Variants in CTNNA3 observed in about 807,000 individuals in gnomAD.
CTNNA3 encodes the protein catenin alpha-3.
Under a neutral mutation model 95.7 loss-of-function variants are expected in CTNNA3, and 76 were observed. That is an observed-to-expected ratio of 0.79 (90% CI 0.66 to 0.96). The LOEUF (loss-of-function observed/expected upper bound fraction) is 0.96. Ranked by LOEUF, CTNNA3 falls within the 40% of genes least tolerant of loss-of-function variation. The probability of loss-of-function intolerance (pLI) is 0.00; values close to 1 mark genes in which losing one functional copy is unlikely to be tolerated. For synonymous variants in CTNNA3, 431 were observed against 374.4 expected, an observed-to-expected ratio of 1.15 and a Z score of -1.74; for missense variants, 1,191 against 1,089.8, an observed-to-expected ratio of 1.09 and a Z score of -1.31.
intron 13 of CTNNA3, among the ~76,000 whole-genome samples, chr10:66,225,843 A>G (rs1208084229): frequency 1.3e-5 from 2 of 151,992 alleles, no homozygotes; most frequent in Non-Finnish European, 2.9e-5. Context: ...ACATTTTTAA[A>G]TATACTTATT....
intron 13 of CTNNA3, among the ~76,000 whole-genome samples, chr10:66,108,892 C>T (rs1280624390): frequency 6.6e-6 from 1 of 152,038 alleles, no homozygotes; most frequent in Non-Finnish European, 1.5e-5. Flanking sequence ...TCAATAATTC[C>T]TTGCCTAAAG....
At chr10:66,233,234 A>G in intron 13 of CTNNA3, among the ~76,000 whole-genome samples, 1 of 151,702 alleles carries the variant, frequency 6.6e-6, no homozygotes, top group Non-Finnish European at 1.5e-5. Flanking sequence ...GAAAAACAAT[A>G]AAGTTTCTAC....
chr10:66,416,431 A>T (rs1286867308), intron 11 of CTNNA3, among the ~76,000 whole-genome samples: 1 of 152,100 alleles, frequency 6.6e-6, no homozygotes, highest in African/African-American at 2.4e-5. Flanking sequence ...CAAGAGATTT[A>T]AACATCCAGA....
chr10:66,746,335 G>C (rs1838871543), intron 9 of CTNNA3, among the ~76,000 whole-genome samples: 3 of 152,036 alleles, frequency 2.0e-5, no homozygotes, highest in African/African-American at 7.2e-5. Context: ...ACCTAGTTTA[G>C]ACCTAGGTAC....
At chr10:67,569,977 A>G (rs1841930252) in intron 3 of CTNNA3, among the ~76,000 whole-genome samples, 1 of 151,964 alleles carries the variant, frequency 6.6e-6, no homozygotes, top group Admixed American at 6.6e-5. Context: ...TTCTTCACAC[A>G]TATTAGCTTG....
At chr10:67,359,963 T>A (rs1842940201) in intron 5 of CTNNA3, among the ~76,000 whole-genome samples, 1 of 152,096 alleles carries the variant, frequency 6.6e-6, no homozygotes, top group Non-Finnish European at 1.5e-5. Context: ...AAGGGTCAGA[T>A]TACTTCAAAA....
intron 17 of CTNNA3, among the ~76,000 whole-genome samples, chr10:65,964,191 A>G (rs1259523860): frequency 6.6e-6 from 1 of 152,224 alleles, no homozygotes. Flanking sequence ...AATAGGAACA[A>G]GACAAGAACT....
chr10:66,686,052 T>C (rs1284564477), intron 9 of CTNNA3, among the ~76,000 whole-genome samples: 1 of 152,214 alleles, frequency 6.6e-6, no homozygotes, highest in Non-Finnish European at 1.5e-5. Context: ...GTTTATGTTA[T>C]GACAAGAACC....
At chr10:66,754,987 T>A (rs1420061570) in intron 9 of CTNNA3, among the ~76,000 whole-genome samples, 1 of 151,854 alleles carries the variant, frequency 6.6e-6, no homozygotes, top group African/African-American at 2.4e-5. Context: ...AATGAAACAG[T>A]ATATCTACAC....
Position 66,622,603 on chromosome 10 carries a change from T to C in CTNNA3, c.1282-819A>G, listed in dbSNP as rs79863385. Among the ~76,000 whole-genome samples the C allele has an allele frequency of 2.0e-3, 309 of 152,246 alleles. 3 individuals carry two copies. The highest frequency in any genetic ancestry group is 7.1e-3 in the African/African-American group (293 of 41,560). On this transcript the variant is annotated intron_variant, in intron 9 of 17. Transcript: ENST00000433211. ...CAGTAAGGCTTATGGACAGAGGCAA[T>C]GTTTTCTCTGATCTACAAAATATCT... is the stretch of plus-strand genomic sequence containing the variant.
rs149370888 is a variant in CTNNA3 at position 67,762,022 on chromosome 10, A to G, written c.-2+1412T>C. On this transcript the variant is annotated intron_variant, in intron 1 of 17. Transcript: ENST00000684154. ...CACGAATTAGGAACATATGAATTTTACTTCTGTATTCCTAACTTGCCGCTC... is the reference window on the plus strand; with the variant it reads ...CACGAATTAGGAACATATGAATTTTGCTTCTGTATTCCTAACTTGCCGCTC... Among the ~76,000 whole-genome samples, 316 of 152,246 alleles carry G rather than the reference A, an allele frequency of 2.1e-3. 1 individual carries two copies. The highest frequency in any genetic ancestry group is 7.3e-3 in the African/African-American group (303 of 41,556).
intron 9 of CTNNA3, among the ~76,000 whole-genome samples, chr10:66,709,806 A>G (rs1359653408): frequency 6.6e-6 from 1 of 152,098 alleles, no homozygotes; most frequent in Non-Finnish European, 1.5e-5. Flanking sequence ...AGGTGTGAAT[A>G]TGTACAATAC....
At chr10:66,262,530 T>C (rs2091036271) in intron 13 of CTNNA3, among the ~76,000 whole-genome samples, 1 of 151,998 alleles carries the variant, frequency 6.6e-6, no homozygotes, top group African/African-American at 2.4e-5. Flanking sequence ...GTATGACTTA[T>C]TGTAAAATTA....
chr10:66,859,966 TGA>T (rs1357233077), intron 7 of CTNNA3, among the ~76,000 whole-genome samples: 5 of 118,178 alleles, frequency 4.2e-5, no homozygotes, highest in Admixed American at 9.6e-5. Flanking sequence ...AACTGAACAA[TGA>T]GAACACATGG....
At chr10:66,172,863 C>A (rs950605978) in intron 13 of CTNNA3, among the ~76,000 whole-genome samples, 4 of 152,060 alleles carry the variant, frequency 2.6e-5, no homozygotes, top group Non-Finnish European at 5.9e-5. Flanking sequence ...CAAACAACAA[C>A]AATAAAAACA....
chr10:67,051,634 G>T (rs1488315367), intron 7 of CTNNA3, among the ~76,000 whole-genome samples: 1 of 151,736 alleles, frequency 6.6e-6, no homozygotes, highest in Non-Finnish European at 1.5e-5. Flanking sequence ...TTGATCTTTT[G>T]ACCTCATGAT....
At chr10:66,456,357 A>G (rs2093495029) in intron 11 of CTNNA3, among the ~76,000 whole-genome samples, 1 of 152,208 alleles carries the variant, frequency 6.6e-6, no homozygotes, top group Non-Finnish European at 1.5e-5. Context: ...GATAGTCTAG[A>G]AATATATGGC....
chr10:67,118,766 T>A (rs1589759436), intron 7 of CTNNA3, among the ~76,000 whole-genome samples: 1 of 151,902 alleles, frequency 6.6e-6, no homozygotes, highest in Non-Finnish European at 1.5e-5. Context: ...TCCCCTCTCA[T>A]GAACTAAGCA....
intron 9 of CTNNA3, among the ~76,000 whole-genome samples, chr10:66,626,970 C>CAA (rs200383852): frequency 0.011 from 1,737 of 152,080 alleles, 39 homozygotes; most frequent in African/African-American, 0.039. Flanking sequence ...ACACACATGA[C>CAA]AACACACAGA....
Sources: allele counts gnomAD v4.1 joint callset (sites outside exome capture counted in the v4.1 genomes callset), GRCh38; gene constraint gnomAD v4.1.1; transcripts MANE v1.5; gene names NCBI Gene and HGNC (gene_info 2026-07-23, HGNC 2026-07-21).